Variants in TBC1D19 observed in about 807,000 individuals in gnomAD.
The protein encoded by TBC1D19 is TBC1 domain family, member 19.
In TBC1D19, 60 loss-of-function variants were observed where a neutral mutation model predicts 89.0. That is an observed-to-expected ratio of 0.67 (90% CI 0.55 to 0.84). TBC1D19 has a LOEUF of 0.84. Among genes scored for constraint, TBC1D19 ranks in the 40% least tolerant of loss-of-function variants. The probability of loss-of-function intolerance (pLI) is 0.00; values close to 1 mark genes in which losing one functional copy is unlikely to be tolerated. For missense variants in TBC1D19, 500 were observed against 610.8 expected (o/e 0.82, Z 1.91); for synonymous variants, 189 against 199.7 (o/e 0.95, Z 0.45).
chr4:26,835,555 T>C, the TBC1D19 span, among the ~76,000 whole-genome samples: 6 of 152,202 alleles, frequency 3.9e-5, no homozygotes, highest in Non-Finnish European at 7.3e-5. Context: ...GGCAGAATCG[T>C]AGGAGCCATC....
the TBC1D19 span, among the ~76,000 whole-genome samples, chr4:26,819,752 A>C: frequency 3.9e-5 from 6 of 152,184 alleles, no homozygotes; most frequent in Non-Finnish European, 5.9e-5. Flanking sequence ...GGCCCTACCC[A>C]GTATGGCTCT....
chr4:26,612,720 A>G (rs188191891), intron 1 of TBC1D19, among the ~76,000 whole-genome samples: 15 of 152,262 alleles, frequency 9.9e-5, no homozygotes, highest in Admixed American at 9.8e-4. Flanking sequence ...AATATACACA[A>G]TGCATTTACA....
rs558035886 is a variant in TBC1D19 at position 26,740,567 on chromosome 4, A to G, written c.1227+594A>G. Reference sequence around the variant, plus strand: ...TACAATATAAGAATCAAGGAAAAGCATATATTTAGGAGTTGAACATTTTAA... The same window carrying G: ...TACAATATAAGAATCAAGGAAAAGCGTATATTTAGGAGTTGAACATTTTAA... On this transcript the variant is annotated intron_variant, in intron 17 of 20. Coordinates refer to ENST00000264866, the MANE Select transcript of TBC1D19 (RefSeq NM_018317.4). 7.8e-6 allele frequency: 6 copies of G among 772,178 alleles called. 1 individual carries two copies. In the South Asian group the frequency reaches 3.6e-4, roughly 46 times the overall value. The allele number at this position is 772,178 out of a possible 1,614,324, so 47.8% of individuals were successfully genotyped here.
the TBC1D19 span, among the ~76,000 whole-genome samples, chr4:26,838,705 G>T: frequency 6.6e-6 from 1 of 152,190 alleles, no homozygotes; most frequent in Admixed American, 6.5e-5. Context: ...GTTAAAATCT[G>T]ATTACTTCGC....
At chr4:26,725,573 G>A (rs997205474) in intron 15 of TBC1D19, among the ~76,000 whole-genome samples, 1 of 151,764 alleles carries the variant, frequency 6.6e-6, no homozygotes, top group African/African-American at 2.4e-5. Flanking sequence ...CACCATGCTG[G>A]GCTGATTTTT....
the TBC1D19 span, among the ~76,000 whole-genome samples, chr4:26,767,506 C>A: frequency 6.6e-6 from 1 of 152,122 alleles, no homozygotes; most frequent in African/African-American, 2.4e-5. Context: ...GTAATCAAGT[C>A]ATCAGGGTAG....
intron 1 of TBC1D19, among the ~76,000 whole-genome samples, chr4:26,604,672 G>A (rs1740862902): frequency 6.6e-6 from 1 of 150,630 alleles, no homozygotes; most frequent in South Asian, 2.1e-4. Flanking sequence ...TTGGGAGATC[G>A]AGACCATCCT....
At chr4:26,607,597 A>G (rs1433649795) in intron 1 of TBC1D19, among the ~76,000 whole-genome samples, 1 of 152,150 alleles carries the variant, frequency 6.6e-6, no homozygotes, top group African/African-American at 2.4e-5. Context: ...GTGGTTTTCA[A>G]ACTGTGTTCT....
downstream of TBC1D19, among the ~76,000 whole-genome samples, chr4:26,757,496 G>A (rs945119529): frequency 3.3e-5 from 5 of 152,186 alleles, no homozygotes; most frequent in African/African-American, 9.7e-5. Context: ...TAGGCAAATT[G>A]TATTTGGTTC....
chr4:26,740,642 A>G (rs1718308168), intron 17 of TBC1D19: 1 of 984,902 alleles, frequency 1.0e-6, no homozygotes, highest in Non-Finnish European at 1.2e-6. Context: ...TTCCCTTCCC[A>G]TAAACCTGAC....
At chr4:26,597,386 A>G (rs1390154625) in intron 1 of TBC1D19, among the ~76,000 whole-genome samples, 1 of 152,136 alleles carries the variant, frequency 6.6e-6, no homozygotes, top group African/African-American at 2.4e-5. Context: ...TAGCTGCATT[A>G]GGTTTCTTTT....
intron 15 of TBC1D19, among the ~76,000 whole-genome samples, chr4:26,731,749 G>T (rs1445038653): frequency 6.6e-6 from 1 of 152,158 alleles, no homozygotes; most frequent in Non-Finnish European, 1.5e-5. Context: ...AGCCCGATCT[G>T]CGTCGTGTCA....
chr4:26,623,139 G>A (rs145183455), intron 4 of TBC1D19, among the ~76,000 whole-genome samples: 8 of 152,204 alleles, frequency 5.3e-5, no homozygotes, highest in African/African-American at 1.9e-4. Flanking sequence ...CACATGACTT[G>A]TATTGCATCA....
At chr4:26,606,929 G>T (rs780931263) in intron 1 of TBC1D19, among the ~76,000 whole-genome samples, 3 of 152,132 alleles carry the variant, frequency 2.0e-5, no homozygotes, top group Non-Finnish European at 4.4e-5. Context: ...TATTTTAGCT[G>T]CTTTGCTTCT....
intron 4 of TBC1D19, among the ~76,000 whole-genome samples, chr4:26,635,844 A>G (rs1743087110): frequency 6.6e-6 from 1 of 152,116 alleles, no homozygotes; most frequent in African/African-American, 2.4e-5. Context: ...GCTGATACCT[A>G]AAAGGTGAAT....
At chr4:26,681,100 A>G (rs1004017307) in intron 11 of TBC1D19, among the ~76,000 whole-genome samples, 2 of 152,242 alleles carry the variant, frequency 1.3e-5, no homozygotes, top group African/African-American at 2.4e-5. Flanking sequence ...AGTGCAAATT[A>G]ATACAAAAAT....
chr4:26,774,210 G>A, the TBC1D19 span, among the ~76,000 whole-genome samples: 1 of 152,220 alleles, frequency 6.6e-6, no homozygotes, highest in Admixed American at 6.5e-5. Flanking sequence ...AAAATAAAGG[G>A]AGGTGGCACA....
intron 1 of TBC1D19, among the ~76,000 whole-genome samples, chr4:26,600,898 T>C (rs1345568866): frequency 1.3e-5 from 2 of 152,164 alleles, no homozygotes; most frequent in African/African-American, 2.4e-5. Flanking sequence ...GTCTACAGTT[T>C]TAGAAAGAAC....
At chr4:26,740,338 A>G (rs927071441) in intron 17 of TBC1D19, among the ~76,000 whole-genome samples, 1 of 152,198 alleles carries the variant, frequency 6.6e-6, no homozygotes, top group Non-Finnish European at 1.5e-5. Flanking sequence ...AAAGTCTACA[A>G]AGCACTCAGT....
Sources: gnomAD v4.1 joint callset for allele counts (sites outside exome capture counted in the v4.1 genomes callset) on GRCh38, gnomAD v4.1.1 for gene constraint, MANE v1.5 for transcripts, NCBI Gene and HGNC (gene_info 2026-07-23, HGNC 2026-07-21) for gene names.